The following SV2B variants were observed in gnomAD, a reference collection of about 807,000 sequenced individuals.
SV2B encodes solute carrier family 22 member B2.
In SV2B, 41 loss-of-function variants were observed where a neutral mutation model predicts 73.9. That is an observed-to-expected ratio of 0.56 (90% confidence interval 0.43 to 0.72). SV2B has a LOEUF of 0.72. SV2B is among the 30% of genes least tolerant of loss of function. The pLI is 0.00. For missense variants in SV2B, 764 were observed against 857.8 expected (o/e 0.89, Z 1.37); for synonymous variants, 314 against 314.2 (o/e 1.00, Z 0.01).
chr15:91,206,664 G>A (rs1434242486), intron 1 of SV2B, among the ~76,000 whole-genome samples: 1 of 152,178 alleles, frequency 6.6e-6, no homozygotes, highest in East Asian at 1.9e-4. Flanking sequence ...GGGGTTTGGG[G>A]TGGGTGTCCA....
At position 91,284,140 on chromosome 15, in the gene SV2B, T is replaced by C; in HGVS notation, c.1627T>C (p.Phe543Leu). Residue 543 changes from phenylalanine (F) to leucine (L), a missense_variant, in exon 11 of 13, where the codon TTC becomes CTC. By Grantham distance (22) the Phe-to-Leu change is conservative. Coordinates refer to ENST00000394232, the MANE Select transcript of SV2B (RefSeq NM_001323032.3). This position sits in a 1 kb window ranked among gnomAD's most constrained non-coding sequence, Gnocchi z 4.5. ...DNDFLIYLVS[F>L]LGSLSVLPGN... ...TGACTTCCTGATTTACCTCGTCAGC[T>C]TCCTGGGCAGCCTGTCTGTCTTACC... 13 of 1,614,206 alleles carry C rather than the reference T, an allele frequency of 8.1e-6. No individual in the cohort carries two copies. Among genetic ancestry groups the C allele is most frequent in the Non-Finnish European group, 1.1e-5 (13 of 1,180,036 alleles).
In SV2B at chr15:91,241,308, C is replaced by T. The variant is rs1220178416; in HGVS notation, c.452-10511C>T. Among the ~76,000 whole-genome samples, 1 of 152,160 alleles carries T rather than the reference C, an allele frequency of 6.6e-6. No individual in the cohort carries two copies. Among genetic ancestry groups the T allele is most frequent in the Non-Finnish European group, 1.5e-5 (1 of 68,014 alleles). On this transcript the variant is annotated intron_variant, in intron 2 of 12. Transcript: ENST00000394232. The surrounding 1 kb of genome is among the most constrained non-coding windows in gnomAD (Gnocchi z 4.8). ...GCACCTCTCTTACTCTGCTGTGTTC[C>T]CCACCCCTGGTTGCATCCGACTTTT...
At chr15:91,167,846 A>G (rs540544726) in intron 1 of SV2B, among the ~76,000 whole-genome samples, 2 of 152,250 alleles carry the variant, frequency 1.3e-5, no homozygotes, top group African/African-American at 2.4e-5. Flanking sequence ...TTAAAATCCT[A>G]TGAAGAATGT....
At chr15:91,164,063 C>G (rs1410886729) in intron 1 of SV2B, among the ~76,000 whole-genome samples, 1 of 152,084 alleles carries the variant, frequency 6.6e-6, no homozygotes, top group African/African-American at 2.4e-5. Context: ...TGTCAAAGAT[C>G]AGATGGTTGT....
At chr15:91,204,869 C>T (rs2045581084) in intron 1 of SV2B, among the ~76,000 whole-genome samples, 1 of 152,058 alleles carries the variant, frequency 6.6e-6, no homozygotes, top group Admixed American at 6.6e-5. Context: ...GTACTTTCTT[C>T]TATTTCTTAC....
intron 2 of SV2B, among the ~76,000 whole-genome samples, chr15:91,235,413 C>T (rs1289070291): frequency 6.6e-6 from 1 of 151,568 alleles, no homozygotes; most frequent in African/African-American, 2.4e-5. Context: ...TGAGTAAATT[C>T]ACTTTTCTGT....
At chr15:91,219,659 G>A (rs531651644) in intron 1 of SV2B, among the ~76,000 whole-genome samples, 2 of 152,092 alleles carry the variant, frequency 1.3e-5, no homozygotes, top group Non-Finnish European at 2.9e-5. Flanking sequence ...CTCATTGTAA[G>A]TGTTCAATTT....
At chr15:91,178,629 G>A (rs199834685) in intron 1 of SV2B, among the ~76,000 whole-genome samples, 53,760 of 151,116 alleles carry the variant, frequency 0.36, 10,033 homozygotes, top group East Asian at 0.7. Flanking sequence ...GGGAGAGTGT[G>A]TGTGTCGAGA....
intron 1 of SV2B, among the ~76,000 whole-genome samples, chr15:91,173,215 G>A (rs2044183984): frequency 1.3e-5 from 2 of 152,178 alleles, no homozygotes; most frequent in African/African-American, 4.8e-5. Context: ...ATGCCCTAAG[G>A]AGGTACGAGC....
At position 91,106,000 on chromosome 15, in the gene SV2B, C is replaced by T. The variant is rs749574575; in HGVS notation, c.-392+5637C>T. ...GGGAGGTCGAGGCTGCAGTGAGTCACGATAATGCCATTGTACTCCAGCCTG... is the reference window on the plus strand; with the variant it reads ...GGGAGGTCGAGGCTGCAGTGAGTCATGATAATGCCATTGTACTCCAGCCTG... On this transcript the variant is annotated intron_variant, in intron 1 of 12. Coordinates refer to ENST00000394232, the MANE Select transcript of SV2B (RefSeq NM_001323032.3). The surrounding 1 kb of genome is among the most constrained non-coding windows in gnomAD (Gnocchi z 5.5). Among the ~76,000 whole-genome samples, 26 of 151,858 alleles carry T rather than the reference C, an allele frequency of 1.7e-4. No homozygotes were observed. The highest frequency in any genetic ancestry group is 2.8e-4 in the Non-Finnish European group (19 of 67,984).
intron 1 of SV2B, among the ~76,000 whole-genome samples, chr15:91,149,122 C>T (rs775987641): frequency 5.3e-5 from 8 of 152,210 alleles, no homozygotes; most frequent in Non-Finnish European, 8.8e-5. Context: ...ATAGACTGGT[C>T]CTATCTCACT....
At chr15:91,246,145 T>C (rs1214289803) in intron 2 of SV2B, among the ~76,000 whole-genome samples, 2 of 152,082 alleles carry the variant, frequency 1.3e-5, no homozygotes, top group African/African-American at 2.4e-5. Context: ...AAGCTTTTTA[T>C]TGGAAGCTGG....
chr15:91,157,161 T>TCCCATTTCTACTCGTCAAAGTCTGCAGAA (rs1311286651), intron 1 of SV2B, among the ~76,000 whole-genome samples: 4 of 152,174 alleles, frequency 2.6e-5, no homozygotes, highest in Non-Finnish European at 5.9e-5. Context: ...TTTACCTTTT[T>TCCCATTTCTACTCGTCAAAGTCTGCAGAA]CCCATTTCTA....
chr15:91,187,521 A>C (rs953300181), intron 1 of SV2B, among the ~76,000 whole-genome samples: 2 of 152,206 alleles, frequency 1.3e-5, no homozygotes, highest in African/African-American at 4.8e-5. Context: ...AAGTCACCCC[A>C]TTCTAATATA....
At chr15:91,264,798 A>G (rs923486659) in intron 6 of SV2B, among the ~76,000 whole-genome samples, 1 of 152,156 alleles carries the variant, frequency 6.6e-6, no homozygotes, top group African/African-American at 2.4e-5. Flanking sequence ...CGGAGGAAGG[A>G]TGTGCAGGCA....
intron 1 of SV2B, among the ~76,000 whole-genome samples, chr15:91,127,320 T>C (rs915064091): frequency 7.9e-5 from 12 of 152,130 alleles, no homozygotes; most frequent in African/African-American, 2.9e-4. Flanking sequence ...TTAAGCATTT[T>C]TGAGATACTC....
intron 1 of SV2B, among the ~76,000 whole-genome samples, chr15:91,155,544 A>G (rs2043458493): frequency 6.6e-6 from 1 of 152,116 alleles, no homozygotes; most frequent in Non-Finnish European, 1.5e-5. Flanking sequence ...GCAGGAGAGG[A>G]CTTTCTGTCT....
At chr15:91,186,276 A>T (rs1185911575) in intron 1 of SV2B, among the ~76,000 whole-genome samples, 2 of 150,200 alleles carry the variant, frequency 1.3e-5, no homozygotes, top group African/African-American at 4.9e-5. Flanking sequence ...TAAACATTTT[A>T]TTTTATATTA....
intron 2 of SV2B, among the ~76,000 whole-genome samples, chr15:91,235,909 A>G (rs1320625502): frequency 1.3e-5 from 2 of 152,154 alleles, no homozygotes; most frequent in Admixed American, 6.6e-5. Context: ...AGAGAGGGGG[A>G]GAGAGAGAAG....
Sources: allele counts gnomAD v4.1 joint callset (sites outside exome capture counted in the v4.1 genomes callset), GRCh38; gene constraint gnomAD v4.1.1; non-coding constraint Gnocchi (gnomAD v3.1); transcripts MANE v1.5; gene names NCBI Gene and HGNC (gene_info 2026-07-23, HGNC 2026-07-21).